Variants in GTF2I observed in about 807,000 individuals in gnomAD.
The protein encoded by GTF2I is general transcription factor IIi.
GTF2I carries 12 observed loss-of-function variants against 67.6 expected under a neutral mutation model. The observed-to-expected ratio is 0.18, with a 90% CI of 0.11 to 0.29. The LOEUF is 0.29. Among genes scored for constraint, GTF2I ranks in the 10% least tolerant of loss-of-function variants. GTF2I has a pLI of 1.00. For missense variants in GTF2I, 271 were observed against 580.1 expected (o/e 0.47, Z 5.47); for synonymous variants, 149 against 197.0 (o/e 0.76, Z 2.04).
chr7:74,680,099 A>AAAAAAAAAAAATATAT, intron 1 of GTF2I, among the ~76,000 whole-genome samples: 1 of 94,986 alleles, frequency 1.1e-5, no homozygotes, highest in African/African-American at 4.0e-5. Flanking sequence ...AAAAAAAAAA[A>AAAAAAAAAAAATATAT]ATATATATAT....
At chr7:74,706,563 A>C in intron 8 of GTF2I, 130 bp downstream of exon 8, 1 of 660,438 alleles carries the variant, frequency 1.5e-6, no homozygotes, top group East Asian at 2.7e-5. Flanking sequence ...AATGTATTCC[A>C]ACTGTGACAC....
intron 6 of GTF2I, among the ~76,000 whole-genome samples, chr7:74,702,242 T>A (rs1789882693): frequency 2.0e-5 from 3 of 146,642 alleles, no homozygotes; most frequent in African/African-American, 8.0e-5. Context: ...TTTTTTTTTT[T>A]AATTGAGACG....
At chr7:74,712,390 C>T (rs782052484) in intron 9 of GTF2I, among the ~76,000 whole-genome samples, 3 of 151,720 alleles carry the variant, frequency 2.0e-5, no homozygotes, top group Non-Finnish European at 4.4e-5. Context: ...CCCAAATCCC[C>T]ACTTTTCTCT....
At chr7:74,664,517 C>G (rs1270471145) in intron 1 of GTF2I, among the ~76,000 whole-genome samples, 1 of 151,996 alleles carries the variant, frequency 6.6e-6, no homozygotes, top group Admixed American at 6.6e-5. Context: ...CACTGCAACT[C>G]TCGCCTCCCA....
intron 12 of GTF2I, among the ~76,000 whole-genome samples, chr7:74,724,863 G>A (rs1793553537): frequency 1.3e-5 from 2 of 152,174 alleles, no homozygotes; most frequent in Admixed American, 1.3e-4. Context: ...GGAGATTGCA[G>A]TGAGCCAAGA....
At chr7:74,758,067 TTTA>T in intron 33 of GTF2I, 67 bp downstream of exon 33, 5 of 242,672 alleles carry the variant, frequency 2.1e-5, no homozygotes, top group South Asian at 8.0e-5. Flanking sequence ...TTTTTTTTTT[TTTA>T]AAGACAGAGA....
At chr7:74,704,288 A>ATTTATTTATTTT (rs1308681847) in intron 6 of GTF2I, among the ~76,000 whole-genome samples, 228 of 149,652 alleles carry the variant, frequency 1.5e-3, no homozygotes, top group African/African-American at 1.8e-3. Flanking sequence ...TTATTTATTT[A>ATTTATTTATTTT]TTTATTTTTT....
rs988658421 is a variant in GTF2I at position 74,709,810 on chromosome 7, C to A, written c.686-1222C>A. The stretch of plus-strand genomic sequence containing the variant: ...GCCTCAGCCTCTCGGGTAGCTGGGA[C>A]TACAGGTGCGTGCCACCACTCCCGG... On this transcript the variant is annotated intron_variant, in intron 8 of 34. Transcript: ENST00000573035. Among the ~76,000 whole-genome samples the A allele has an allele frequency of 2.0e-5, 3 of 151,604 alleles. No individual in the cohort carries two copies. The East Asian group carries it at 5.9e-4, about 30-fold the overall frequency.
At chr7:74,677,563 C>A (rs1806005140) in intron 1 of GTF2I, among the ~76,000 whole-genome samples, 2 of 151,444 alleles carry the variant, frequency 1.3e-5, no homozygotes, top group African/African-American at 4.9e-5. Context: ...GGCAGATCAC[C>A]TGAGGTCAGG....
At chr7:74,719,483 A>G (rs1792667566) in intron 12 of GTF2I, among the ~76,000 whole-genome samples, 2 of 152,188 alleles carry the variant, frequency 1.3e-5, no homozygotes, top group African/African-American at 4.8e-5. Flanking sequence ...AGATTGCTTC[A>G]AACCTGTTTT....
intron 1 of GTF2I, among the ~76,000 whole-genome samples, chr7:74,685,635 C>G (rs953459775): frequency 6.6e-6 from 1 of 152,048 alleles, no homozygotes; most frequent in Non-Finnish European, 1.5e-5. Context: ...GGCGTGGTGG[C>G]GGGCACCTGT....
At chr7:74,716,103 C>A (rs1446818790) in intron 10 of GTF2I, among the ~76,000 whole-genome samples, 1 of 151,858 alleles carries the variant, frequency 6.6e-6, no homozygotes, top group African/African-American at 2.4e-5. Context: ...GTTTTTCAAT[C>A]TTTTCCATGT....
At chr7:74,708,312 A>G (rs976943370) in intron 8 of GTF2I, among the ~76,000 whole-genome samples, 1 of 152,192 alleles carries the variant, frequency 6.6e-6, no homozygotes, top group Non-Finnish European at 1.5e-5. Context: ...TCAAAACAAA[A>G]CAAACAAAAA....
At chr7:74,658,994 A>G (rs1804217028) in intron 1 of GTF2I, among the ~76,000 whole-genome samples, 1 of 151,930 alleles carries the variant, frequency 6.6e-6, no homozygotes, top group Admixed American at 6.6e-5. Context: ...ATTTGCGCTG[A>G]TTTGCGGCTG....
intron 1 of GTF2I, among the ~76,000 whole-genome samples, chr7:74,686,902 T>C (rs1787790454): frequency 2.0e-5 from 3 of 152,014 alleles, no homozygotes; most frequent in Admixed American, 1.3e-4. Context: ...TTTGTTTTTT[T>C]TTTTTGAGAT....
chr7:74,757,255 T>TA lies in GTF2I; in HGVS notation c.2896+400dup, dbSNP rs1346019023. On this transcript the variant is annotated intron_variant, in intron 32 of 34. Coordinates refer to ENST00000573035, the MANE Select transcript of GTF2I (RefSeq NM_032999.4). Reference sequence around the variant, plus strand: ...AGTAGAAATGTACACATTGTGCTCTTAAAAAATTCCTTAAAAAACAAGTGG... The same window carrying TA: ...AGTAGAAATGTACACATTGTGCTCTTAAAAAAATTCCTTAAAAAACAAGTGG... Among the ~76,000 whole-genome samples, 2 of 86,922 alleles carry TA rather than the reference T, an allele frequency of 2.3e-5. 1 individual carries two copies. The highest frequency in any genetic ancestry group is 4.7e-5 in the Non-Finnish European group (2 of 42,760). The allele number at this position is 86,922 out of a possible 152,430, so 57.0% of individuals were successfully genotyped here.
intron 2 of GTF2I, 83 bp from the exon 3 acceptor site, chr7:74,690,890 T>G: frequency 4.7e-6 from 1 of 210,728 alleles, no homozygotes; most frequent in Non-Finnish European, 7.4e-6. Context: ...TTAAAAAATG[T>G]TGTTAGTTTT....
chr7:74,723,734 G>T lies in GTF2I; in HGVS notation c.943+4793G>T, dbSNP rs1278208199. 2.6e-5 allele frequency among the ~76,000 whole-genome samples: 4 copies of T among 151,860 alleles called. No individual in the cohort carries two copies. In the East Asian group the frequency reaches 7.7e-4, roughly 29 times the overall value. On this transcript the variant is annotated intron_variant, in intron 12 of 34. Coordinates refer to ENST00000573035, the MANE Select transcript of GTF2I (RefSeq NM_032999.4). ...GCATGAACCACCGCGCCTGGCCACG[G>T]TGCTAAGAATTTAGTAGTGAATAAT...
intron 14 of GTF2I, among the ~76,000 whole-genome samples, chr7:74,732,156 T>TATATAC (rs1584313487): frequency 1.3e-5 from 2 of 148,654 alleles, no homozygotes; most frequent in East Asian, 3.9e-4. Context: ...TATATATATA[T>TATATAC]ATACATAAAC....
Sources: allele counts gnomAD v4.1 joint callset (sites outside exome capture counted in the v4.1 genomes callset), GRCh38; gene constraint gnomAD v4.1.1; transcripts MANE v1.5; gene names NCBI Gene and HGNC (gene_info 2026-07-23, HGNC 2026-07-21).